ART3: variants seen among roughly 807,000 people sequenced by gnomAD.
ART3 encodes ADP-ribosyltransferase 3 (inactive).
Under a neutral mutation model 48.5 loss-of-function variants are expected in ART3, and 49 were observed. That is an observed-to-expected ratio of 1.01 (90% confidence interval 0.80 to 1.28). The LOEUF (loss-of-function observed/expected upper bound fraction) is 1.28. Among genes scored for constraint, ART3 ranks in the 50% most tolerant of loss-of-function variants. The pLI, the probability that ART3 is intolerant of heterozygous loss-of-function variation, is 0.00. For synonymous variants in ART3, 145 were observed against 157.2 expected, an observed-to-expected ratio of 0.92 and a Z score of 0.58; for missense variants, 438 against 454.3, an observed-to-expected ratio of 0.96 and a Z score of 0.33.
At chr4:76,081,154 C>G (rs1192003293) in intron 2 of ART3, among the ~76,000 whole-genome samples, 1 of 152,190 alleles carries the variant, frequency 6.6e-6, no homozygotes, top group Non-Finnish European at 1.5e-5. Context: ...CTCAGCTCAG[C>G]AAGCCTTATT....
At chr4:76,093,864 A>G (rs1052469222) in intron 3 of ART3, among the ~76,000 whole-genome samples, 1 of 152,186 alleles carries the variant, frequency 6.6e-6, no homozygotes, top group African/African-American at 2.4e-5. Context: ...GTTAGTAGTA[A>G]TGACATACAC....
intron 10 of ART3, among the ~76,000 whole-genome samples, chr4:76,105,016 C>T (rs189087683): frequency 6.6e-6 from 1 of 152,140 alleles, no homozygotes; most frequent in Non-Finnish European, 1.5e-5. Context: ...AAAGAAACAG[C>T]GTTTTCCATT....
rs1432749534 is a variant in ART3, at chr4:76,023,109, C to G, written c.-10+11789C>G. ...TCTGTATCTCATCTCTGTCCGCATT[C>G]CCTCACATTTTCTCTCTCTATCCTC... On this transcript the variant is annotated intron_variant, in intron 1 of 9. Transcript: ENST00000341029. 2.0e-5 allele frequency among the ~76,000 whole-genome samples: 3 copies of G among 152,198 alleles called. No homozygotes were observed. The East Asian group carries it at 5.8e-4, about 29-fold the overall frequency.
At chr4:76,095,047 G>A (rs183437692) in intron 3 of ART3, among the ~76,000 whole-genome samples, 32 of 152,098 alleles carry the variant, frequency 2.1e-4, no homozygotes, top group African/African-American at 7.7e-4. Context: ...ATATATTTAT[G>A]CCTCTTCTTT....
At chr4:76,047,892 A>G (rs1231156700) in intron 1 of ART3, among the ~76,000 whole-genome samples, 1 of 151,980 alleles carries the variant, frequency 6.6e-6, no homozygotes, top group East Asian at 1.9e-4. Flanking sequence ...ATGTAGGTAC[A>G]TCTGTGTACC....
At chr4:76,054,370 G>C (rs1443325931) in intron 1 of ART3, among the ~76,000 whole-genome samples, 1 of 152,064 alleles carries the variant, frequency 6.6e-6, no homozygotes, top group African/African-American at 2.4e-5. Flanking sequence ...TCATTTGCCA[G>C]TTTGAACTAA....
At chr4:76,057,439 T>A (rs1718798202) in intron 1 of ART3, among the ~76,000 whole-genome samples, 1 of 152,208 alleles carries the variant, frequency 6.6e-6, no homozygotes, top group Admixed American at 6.5e-5. Flanking sequence ...AAGATGTTAA[T>A]ATTAGGGGAA....
chr4:76,023,483 A>T, intron 1 of ART3: 1 of 1,510,044 alleles, frequency 6.6e-7, no homozygotes. Context: ...TGTCTAAGCA[A>T]TTGAGGAATG....
chr4:76,031,552 C>T (rs1733870163), intron 1 of ART3, among the ~76,000 whole-genome samples: 1 of 152,188 alleles, frequency 6.6e-6, no homozygotes, highest in Non-Finnish European at 1.5e-5. Context: ...TCTTCACAAA[C>T]ATTTATTGAA....
chr4:76,064,274 A>T (rs1719501263), intron 1 of ART3, among the ~76,000 whole-genome samples: 1 of 152,226 alleles, frequency 6.6e-6, no homozygotes, highest in South Asian at 2.1e-4. Flanking sequence ...CACCACTACC[A>T]TCACCACCAA....
At chr4:76,063,710 T>C (rs1719449441) in intron 1 of ART3, among the ~76,000 whole-genome samples, 3 of 152,112 alleles carry the variant, frequency 2.0e-5, no homozygotes, top group South Asian at 2.1e-4. Flanking sequence ...ACAAGAAAGC[T>C]AAAAGTAATA....
rs1734164017 is a variant in ART3 at position 76,034,481 on chromosome 4, G to A, written c.-10+23161G>A. 17 of 519,036 alleles carry A rather than the reference G, an allele frequency of 3.3e-5. No homozygotes were observed. The South Asian group carries it at 5.2e-4, about 16-fold the overall frequency. 32.2% of individuals were successfully genotyped at this position (519,036 alleles called of 1,614,324 possible). On this transcript the variant is annotated intron_variant, in intron 1 of 9. Coordinates refer to the ART3 transcript ENST00000341029. ...TGTATAATGCAACAAGTAAGAACGTGAAAGCACTTTGTAAACTCCGATGGT... is the reference window on the plus strand; with the variant it reads ...TGTATAATGCAACAAGTAAGAACGTAAAAGCACTTTGTAAACTCCGATGGT...
At chr4:76,084,197 A>G (rs1189997189) in intron 3 of ART3, among the ~76,000 whole-genome samples, 1 of 152,056 alleles carries the variant, frequency 6.6e-6, no homozygotes, top group Non-Finnish European at 1.5e-5. Flanking sequence ...ACATCCTGAA[A>G]TCTCTCATTA....
chr4:76,087,013 T>C lies in ART3; in HGVS notation c.781+4478T>C, dbSNP rs547344652. Among the ~76,000 whole-genome samples, 30 of 152,332 alleles carry C rather than the reference T, an allele frequency of 2.0e-4. No homozygotes were observed. In the South Asian group the frequency reaches 2.7e-3, roughly 14 times the overall value. ...GCCAAAAACCCGGCTGCAGCTGGGC[T>C]GACAGAAATGGTACCGCTTTTGGTG... On this transcript the variant is annotated intron_variant, in intron 3 of 11. Coordinates refer to ENST00000355810, the MANE Select transcript of ART3 (RefSeq NM_001130016.3).
intron 1 of ART3, among the ~76,000 whole-genome samples, chr4:76,031,125 G>A (rs6820370): frequency 0.61 from 92,577 of 151,564 alleles, 29,309 homozygotes; most frequent in East Asian, 0.94. Flanking sequence ...TGATAATAAC[G>A]TTTAGTATCA....
chr4:76,085,524 C>T (rs1294913647), intron 3 of ART3, among the ~76,000 whole-genome samples: 1 of 152,096 alleles, frequency 6.6e-6, no homozygotes, highest in Non-Finnish European at 1.5e-5. Flanking sequence ...ATTTGCCTCA[C>T]CCTAGTCCTG....
At chr4:76,110,961 A>G (rs960821943) in intron 11 of ART3, among the ~76,000 whole-genome samples, 5 of 152,178 alleles carry the variant, frequency 3.3e-5, no homozygotes, top group African/African-American at 9.7e-5. Context: ...TATTTATCCA[A>G]ATTTGTGCAC....
At chr4:76,079,872 T>C (rs539980061) in intron 2 of ART3, among the ~76,000 whole-genome samples, 1 of 151,922 alleles carries the variant, frequency 6.6e-6, no homozygotes, top group South Asian at 2.1e-4. Flanking sequence ...TTAGTATCTC[T>C]GTCTCTCTCT....
At chr4:76,111,255 AT>A (rs1280470987) in intron 11 of ART3, among the ~76,000 whole-genome samples, 1 of 152,190 alleles carries the variant, frequency 6.6e-6, no homozygotes, top group Non-Finnish European at 1.5e-5. Context: ...GTTTGGTGCA[AT>A]ACCAAAAACC....
Sources: gnomAD v4.1 joint callset for allele counts (sites outside exome capture counted in the v4.1 genomes callset) on GRCh38, gnomAD v4.1.1 for gene constraint, MANE v1.5 for transcripts, NCBI Gene and HGNC (gene_info 2026-07-23, HGNC 2026-07-21) for gene names.